Variants in ABCA5 observed in about 807,000 individuals in gnomAD.
ABCA5 encodes the protein cholesterol transporter ABCA5.
Under a neutral mutation model 206.0 loss-of-function variants are expected in ABCA5, and 163 were observed. The observed-to-expected ratio is 0.79, with a 90% CI of 0.70 to 0.90. The LOEUF (loss-of-function observed/expected upper bound fraction) is 0.90, where lower values mean the gene tolerates loss of function less well. Ranked by LOEUF, ABCA5 falls within the 40% of genes least tolerant of loss-of-function variation. The pLI is 0.00. For synonymous variants in ABCA5, 609 were observed against 613.8 expected (o/e 0.99, Z 0.11); for missense variants, 1,859 against 1,912.9 (o/e 0.97, Z 0.53).
intron 11 of ABCA5, 47 bp from the exon 12 acceptor site, chr17:69,291,373 C>A: frequency 8.5e-7 from 1 of 1,177,628 alleles, no homozygotes; most frequent in South Asian, 1.3e-5. Flanking sequence ...TATGTCTGTT[C>A]AGCTATGCAT....
At chr17:69,324,238 T>C (rs1175742443) in intron 1 of ABCA5, among the ~76,000 whole-genome samples, 1 of 151,926 alleles carries the variant, frequency 6.6e-6, no homozygotes, top group Non-Finnish European at 1.5e-5. Flanking sequence ...TGCAGAGAGA[T>C]AAAATTTAAT....
Position 69,260,366 on chromosome 17 carries a change from C to T in ABCA5, c.3611G>A (p.Trp1204Ter). The change falls in exon 27 of 39, where the codon TGG becomes TAG. Residue 1204 changes from tryptophan to a stop codon, truncating the protein, a stop_gained. Transcript: ENST00000392676. LOFTEE classifies it high-confidence loss of function. ...VRKNVDTYNP[W>*]DRLSVAVISP... ...TATAACAGCTACTGAAAGCCTATCC[C>T]ATGGATTATAGGTGTCCACATTTTT... 6.2e-7 allele frequency: 1 copy of T among 1,607,706 alleles called. No individual in the cohort carries two copies. The highest frequency in any genetic ancestry group is 8.5e-7 in the Non-Finnish European group (1 of 1,176,412).
At chr17:69,276,642 C>T (rs766469910) in intron 19 of ABCA5, among the ~76,000 whole-genome samples, 15 of 151,918 alleles carry the variant, frequency 9.9e-5, no homozygotes, top group Admixed American at 1.3e-4. Flanking sequence ...CATCACACAC[C>T]GGGGCCTGTT....
At chr17:69,269,240 T>C (rs148698769) in intron 22 of ABCA5, among the ~76,000 whole-genome samples, 8 of 152,278 alleles carry the variant, frequency 5.3e-5, no homozygotes, top group Admixed American at 1.3e-4. Flanking sequence ...AATTGTGAAA[T>C]TGTGAATTGC....
chr17:69,295,801 A>G (rs2144995493), intron 10 of ABCA5, among the ~76,000 whole-genome samples: 1 of 152,326 alleles, frequency 6.6e-6, no homozygotes, highest in African/African-American at 2.4e-5. Context: ...TGGTATTTCT[A>G]GGCTAACAGT....
chr17:69,298,315 AG>A (rs2075612464), intron 9 of ABCA5, among the ~76,000 whole-genome samples: 2 of 17,846 alleles, frequency 1.1e-4, no homozygotes, highest in Non-Finnish European at 1.9e-4. Flanking sequence ...AAAGAGAGAG[AG>A]AGGAAGGAAG....
At chr17:69,283,757 A>G (rs149982183) in intron 18 of ABCA5, among the ~76,000 whole-genome samples, 196 bp downstream of exon 18, 1 of 151,734 alleles carries the variant, frequency 6.6e-6, no homozygotes, top group Non-Finnish European at 1.5e-5. Context: ...CTGATGATAT[A>G]ATCTAAGTTC....
chr17:69,246,859 T>G lies in ABCA5; in HGVS notation c.*678A>C, dbSNP rs1260959250. 2 of 151,986 alleles carry G rather than the reference T, an allele frequency of 1.3e-5. No individual in the cohort carries two copies. Among genetic ancestry groups the G allele is most frequent in the South Asian group, 4.1e-4 (2 of 4,834 alleles). 9.4% of individuals were successfully genotyped at this position (151,986 alleles called of 1,614,324 possible). A position where few individuals can be genotyped will look rare whatever the true frequency, so the allele number is the denominator to read the frequency against. On this transcript the variant is annotated 3_prime_UTR_variant, in exon 39 of 39. Coordinates refer to ENST00000392676, the MANE Select transcript of ABCA5 (RefSeq NM_172232.4). ...ACAGTCTTCCTTTAATTATAATAAC[T>G]AAAACCTTCTGAATTTTACTTTAAA... is the stretch of plus-strand genomic sequence containing the variant.
intron 4 of ABCA5, 21 bp from the exon 5 acceptor site, chr17:69,308,389 G>A: frequency 6.5e-7 from 1 of 1,547,036 alleles, no homozygotes; most frequent in African/African-American, 1.4e-5. Context: ...AAGAATATGA[G>A]ATCTAAGATT....
chr17:69,322,793 A>T (rs1049534113), intron 1 of ABCA5, among the ~76,000 whole-genome samples: 3 of 152,206 alleles, frequency 2.0e-5, no homozygotes, highest in East Asian at 3.8e-4. Context: ...TAAATTTTTT[A>T]AATTATTTTC....
chr17:69,296,476 T>C (rs970987960), intron 10 of ABCA5, among the ~76,000 whole-genome samples: 2 of 152,212 alleles, frequency 1.3e-5, no homozygotes, highest in Non-Finnish European at 2.9e-5. Context: ...AATGAAATGT[T>C]CTAATTATGC....
chr17:69,300,223 G>A (rs1003821513), intron 9 of ABCA5, among the ~76,000 whole-genome samples: 5 of 152,176 alleles, frequency 3.3e-5, no homozygotes, highest in Admixed American at 2.6e-4. Flanking sequence ...TAAGAAGCAT[G>A]CAACCTAGAT....
At chr17:69,256,348 A>G in intron 28 of ABCA5, 65 bp from the exon 29 acceptor site, 1 of 1,090,312 alleles carries the variant, frequency 9.2e-7, no homozygotes, top group Non-Finnish European at 1.2e-6. Context: ...TAAGAAATTC[A>G]GATACTAGGT....
chr17:69,266,777 A>G (rs2075213851), intron 23 of ABCA5, among the ~76,000 whole-genome samples: 1 of 149,140 alleles, frequency 6.7e-6, no homozygotes, highest in Admixed American at 6.7e-5. Flanking sequence ...TTTAACAAAA[A>G]TTGAATATTA....
At chr17:69,257,395 T>C (rs55808042) in intron 28 of ABCA5, among the ~76,000 whole-genome samples, 259 of 150,984 alleles carry the variant, frequency 1.7e-3, no homozygotes, top group African/African-American at 6.0e-3. Context: ...GAGAACAATG[T>C]CAATCATATT....
intron 23 of ABCA5, 83 bp downstream of exon 23, chr17:69,267,860 C>T (rs1444506243): frequency 3.1e-6 from 2 of 654,682 alleles, no homozygotes; most frequent in East Asian, 5.6e-5. Flanking sequence ...AACAATTATA[C>T]TAAGCCTTGC....
intron 14 of ABCA5, 57 bp downstream of exon 14, chr17:69,289,120 C>A (rs7223000): frequency 6.5e-7 from 1 of 1,535,650 alleles, no homozygotes; most frequent in Admixed American, 2.1e-5. Context: ...CTACAACCTG[C>A]TTTTTAATTC....
chr17:69,314,927 T>C (rs1405206897), intron 1 of ABCA5: 1 of 152,808 alleles, frequency 6.5e-6, no homozygotes, highest in Non-Finnish European at 1.5e-5. Flanking sequence ...CTCTATTCAA[T>C]GGAACTATCG....
At chr17:69,256,099 T>C (rs1234114274) in intron 29 of ABCA5, 58 bp downstream of exon 29, 3 of 1,490,362 alleles carry the variant, frequency 2.0e-6, no homozygotes, top group Non-Finnish European at 2.7e-6. Flanking sequence ...TTAATTTCTA[T>C]ATACCGGGAA....
Sources: gnomAD v4.1 joint callset for allele counts (sites outside exome capture counted in the v4.1 genomes callset) on GRCh38, gnomAD v4.1.1 for gene constraint, MANE v1.5 for transcripts, NCBI Gene and HGNC (gene_info 2026-07-23, HGNC 2026-07-21) for gene names.